EPB41L5: variants seen among roughly 807,000 people sequenced by gnomAD.
EPB41L5 encodes the protein band 4.1-like protein 5.
Under a neutral mutation model 106.6 loss-of-function variants are expected in EPB41L5, and 55 were observed. The observed-to-expected ratio is 0.52, with a 90% CI of 0.42 to 0.65. The LOEUF (loss-of-function observed/expected upper bound fraction) is 0.65, where lower values mean the gene tolerates loss of function less well. EPB41L5 is among the 30% of genes least tolerant of loss of function. The pLI is 0.00. For synonymous variants in EPB41L5, 297 were observed against 306.7 expected (o/e 0.97, Z 0.33); for missense variants, 871 against 882.1 (o/e 0.99, Z 0.16).
chr2:120,078,505 A>G lies in EPB41L5; in HGVS notation c.727A>G (p.Asn243Asp), dbSNP rs1682410402. ...CCCCTTAAATTAGGCTAGAGATGGG[A>G]ATGACTATAGTTTGGGACTAACACC... Reference protein sequence around the residue: ...DMHVVKARDGNDYSLGLTPTG... With the variant: ...DMHVVKARDGDDYSLGLTPTG... Residue 243 changes from asparagine to aspartate, a missense_variant, in exon 10 of 25, where the codon AAT (asparagine) becomes GAT (aspartate). Asn to Asp is a conservative substitution (Grantham distance 23). Coordinates refer to ENST00000263713, the MANE Select transcript of EPB41L5 (RefSeq NM_020909.4). The G allele has an allele frequency of 6.2e-7, 1 of 1,605,192 alleles. No homozygotes were observed. The highest frequency in any genetic ancestry group is 1.3e-5 in the African/African-American group (1 of 74,544).
chr2:120,040,230 G>C (rs980233043), intron 2 of EPB41L5, among the ~76,000 whole-genome samples: 4 of 152,094 alleles, frequency 2.6e-5, no homozygotes, highest in Admixed American at 2.6e-4. Flanking sequence ...ATCTCAGGTT[G>C]AAGAGGTCCA....
chr2:120,148,193 C>G (rs980159048), intron 20 of EPB41L5, among the ~76,000 whole-genome samples: 3 of 152,050 alleles, frequency 2.0e-5, no homozygotes, highest in African/African-American at 7.2e-5. Context: ...ACAAAATTCA[C>G]TCTTTAAAAA....
intron 20 of EPB41L5, among the ~76,000 whole-genome samples, chr2:120,158,313 A>G (rs1256799558): frequency 6.6e-6 from 1 of 152,242 alleles, no homozygotes; most frequent in African/African-American, 2.4e-5. Context: ...ACTTCAGGCC[A>G]GTATTCTTGA....
intron 3 of EPB41L5, among the ~76,000 whole-genome samples, chr2:120,057,343 A>G (rs779939086): frequency 6.6e-6 from 1 of 152,212 alleles, no homozygotes; most frequent in African/African-American, 2.4e-5. Context: ...CCCATCGTCT[A>G]TTTTAAAATC....
At chr2:120,162,047 C>G (rs1574782950) in intron 21 of EPB41L5, among the ~76,000 whole-genome samples, 1 of 152,162 alleles carries the variant, frequency 6.6e-6, no homozygotes, top group African/African-American at 2.4e-5. Flanking sequence ...TCAGGCTGGT[C>G]TCAAACTCCT....
At chr2:120,033,563 C>G (rs377352056) in intron 2 of EPB41L5, among the ~76,000 whole-genome samples, 1 of 151,716 alleles carries the variant, frequency 6.6e-6, no homozygotes, top group Non-Finnish European at 1.5e-5. Flanking sequence ...CAAAATTAGC[C>G]GGGCGTAGTA....
chr2:120,104,929 A>C (rs1684362791), intron 16 of EPB41L5: 1 of 976,876 alleles, frequency 1.0e-6, no homozygotes, highest in Non-Finnish European at 1.2e-6. Context: ...ACAGTTAACC[A>C]GTGGTTAACT....
At chr2:120,074,275 A>G in intron 5 of EPB41L5, 97 bp downstream of exon 5, 1 of 869,272 alleles carries the variant, frequency 1.2e-6, no homozygotes, top group South Asian at 1.8e-5. Context: ...AATAAAATGG[A>G]TTCCTGTCCC....
At position 120,177,204 on chromosome 2, in the gene EPB41L5, G is replaced by A. The variant is rs1178679750; in HGVS notation, c.*2297G>A. The A allele has an allele frequency of 6.6e-6, 1 of 152,442 alleles. No individual in the cohort carries two copies. Among genetic ancestry groups the A allele is most frequent in the Non-Finnish European group, 1.5e-5 (1 of 68,246 alleles). 9.4% of individuals were successfully genotyped at this position (152,442 alleles called of 1,614,324 possible). A position where few individuals can be genotyped will look rare whatever the true frequency, so the allele number is the denominator to read the frequency against. ...GGCAGGGCTGAGGTGGTCTACGAAT[G>A]TGGCAGGTAGGGAAGGGGAGATGTC... On this transcript the variant is annotated 3_prime_UTR_variant, in exon 25 of 25. Transcript: ENST00000263713.
chr2:120,041,260 T>C (rs1241504382), intron 2 of EPB41L5, among the ~76,000 whole-genome samples: 2 of 152,188 alleles, frequency 1.3e-5, no homozygotes, highest in African/African-American at 4.8e-5. Flanking sequence ...TTGGATTCTC[T>C]TATCTGCTTC....
At chr2:120,121,141 T>C (rs1685199011) in intron 16 of EPB41L5, among the ~76,000 whole-genome samples, 1 of 152,134 alleles carries the variant, frequency 6.6e-6, no homozygotes, top group Non-Finnish European at 1.5e-5. Flanking sequence ...ATTGAGATGG[T>C]AAAGCCATTG....
At chr2:120,121,873 A>G (rs1158211474) in intron 16 of EPB41L5, among the ~76,000 whole-genome samples, 2 of 152,150 alleles carry the variant, frequency 1.3e-5, no homozygotes, top group African/African-American at 4.8e-5. Context: ...TTGCCATTCT[A>G]ACTGGTGTGA....
chr2:120,136,152 ATTTT>A (rs78827477), intron 18 of EPB41L5, among the ~76,000 whole-genome samples: 1 of 141,010 alleles, frequency 7.1e-6, no homozygotes. Context: ...TTGCTTGTTA[ATTTT>A]TTTTTTTTTT....
At chr2:120,083,057 A>G (rs554581127) in intron 10 of EPB41L5, among the ~76,000 whole-genome samples, 2 of 152,262 alleles carry the variant, frequency 1.3e-5, no homozygotes. Context: ...AAAAACAACC[A>G]GCTCCTGGAT....
chr2:120,041,175 C>G (rs375631720), intron 2 of EPB41L5, among the ~76,000 whole-genome samples: 1 of 152,090 alleles, frequency 6.6e-6, no homozygotes, highest in African/African-American at 2.4e-5. Flanking sequence ...TCTAAAACAA[C>G]AAAGAGCTTA....
intron 24 of EPB41L5, among the ~76,000 whole-genome samples, chr2:120,172,026 AAAC>A (rs1309771427): frequency 1.3e-5 from 1 of 75,638 alleles, no homozygotes; most frequent in African/African-American, 3.3e-5. Flanking sequence ...AAAAAAAGGA[AAAC>A]AAGCATTTTT....
intron 24 of EPB41L5, among the ~76,000 whole-genome samples, chr2:120,171,696 G>A (rs1226865551): frequency 6.6e-6 from 1 of 152,210 alleles, no homozygotes; most frequent in East Asian, 1.9e-4. Context: ...TGGATCCTCT[G>A]ATGAAATTGC....
intron 14 of EPB41L5, 68 bp downstream of exon 14, chr2:120,093,344 C>T (rs1221621865): frequency 1.5e-6 from 2 of 1,312,294 alleles, no homozygotes; most frequent in Non-Finnish European, 2.2e-6. Context: ...TATCATTAAA[C>T]AAATATTTAA....
intron 3 of EPB41L5, among the ~76,000 whole-genome samples, chr2:120,042,768 C>G (rs1389187323): frequency 1.3e-5 from 2 of 152,046 alleles, no homozygotes; most frequent in Non-Finnish European, 2.9e-5. Context: ...GCAATATTTA[C>G]TCTCAAATAA....
Sources: gnomAD v4.1 joint callset for allele counts (sites outside exome capture counted in the v4.1 genomes callset) on GRCh38, gnomAD v4.1.1 for gene constraint, MANE v1.5 for transcripts, NCBI Gene and HGNC (gene_info 2026-07-23, HGNC 2026-07-21) for gene names.